PIK3C2G: variants seen among roughly 807,000 people sequenced by gnomAD.
PIK3C2G encodes phosphatidylinositol 3-kinase C2 domain-containing subunit gamma.
A neutral mutation model predicts 181.1 loss-of-function variants in PIK3C2G; 168 were observed. The ratio of observed to expected loss-of-function variants is 0.93; its 90% CI spans 0.82 to 1.05. The LOEUF is 1.05. PIK3C2G is among the 50% of genes least tolerant of loss of function. The pLI, the probability that PIK3C2G is intolerant of heterozygous loss-of-function variation, is 0.00. For synonymous variants in PIK3C2G, 573 were observed against 592.2 expected (o/e 0.97, Z 0.47); for missense variants, 1,869 against 1,732.8 (o/e 1.08, Z -1.40).
intron 1 of PIK3C2G, among the ~76,000 whole-genome samples, chr12:18,252,206 C>T (rs111996591): frequency 2.6e-5 from 4 of 152,210 alleles, no homozygotes; most frequent in African/African-American, 9.6e-5. Context: ...AACTATAGAA[C>T]TAATACGGTG....
At chr12:18,446,607 T>C (rs1321207358) in intron 18 of PIK3C2G, among the ~76,000 whole-genome samples, 4 of 152,202 alleles carry the variant, frequency 2.6e-5, no homozygotes, top group Non-Finnish European at 4.4e-5. Flanking sequence ...GTTGTTTGAA[T>C]GGTGCATTTT....
chr12:18,702,498 C>A, the PIK3C2G span, among the ~76,000 whole-genome samples: 40 of 152,076 alleles, frequency 2.6e-4, no homozygotes, highest in Non-Finnish European at 5.1e-4. Flanking sequence ...AAGTAAAGTT[C>A]TTTTCTCCAG....
the PIK3C2G span, chr12:18,705,205 A>G: frequency 6.2e-7 from 1 of 1,614,072 alleles, no homozygotes. Context: ...CATCAAGCAT[A>G]TCAGAAAGCA....
chr12:18,292,227 A>AAAAAAAATATATATATATAT, intron 4 of PIK3C2G, among the ~76,000 whole-genome samples: 5 of 48,726 alleles, frequency 1.0e-4, no homozygotes, highest in African/African-American at 3.3e-4. Context: ...AAAAAAAAAA[A>AAAAAAAATATATATATATAT]ATATATATAT....
chr12:18,500,593 C>T (rs1203758433), intron 22 of PIK3C2G, among the ~76,000 whole-genome samples: 1 of 152,204 alleles, frequency 6.6e-6, no homozygotes, highest in Non-Finnish European at 1.5e-5. Flanking sequence ...CACTGGGTGA[C>T]GCCAGCTGGG....
At chr12:18,292,229 T>A (rs376178269) in intron 4 of PIK3C2G, among the ~76,000 whole-genome samples, 2,628 of 67,032 alleles carry the variant, frequency 0.039, 36 homozygotes, top group African/African-American at 0.047. Flanking sequence ...AAAAAAAAAA[T>A]ATATATATAT....
rs557564938 is a variant in PIK3C2G at position 18,317,904 on chromosome 12, T to A, written c.1138-3058T>A. Among the ~76,000 whole-genome samples the A allele has an allele frequency of 1.3e-3, 202 of 152,368 alleles. 4 individuals are homozygous for A. The highest frequency in any genetic ancestry group is 6.5e-4 in the Non-Finnish European group (44 of 68,024). On this transcript the variant is annotated intron_variant, in intron 6 of 32. Transcript: ENST00000538779. Reference sequence around the variant, plus strand: ...ATTATGAGAACTCAACTGAGAAATATAAATGAAGAGCTTAAGTCAGTGCCT... The same window carrying A: ...ATTATGAGAACTCAACTGAGAAATAAAAATGAAGAGCTTAAGTCAGTGCCT...
At chr12:18,694,863 G>A in the PIK3C2G span, 77 of 1,416,256 alleles carry the variant, frequency 5.4e-5, no homozygotes, top group Non-Finnish European at 7.2e-5. Context: ...ACACTATCTA[G>A]TTTATATAAT....
chr12:18,693,993 C>T, the PIK3C2G span: 26 of 1,489,932 alleles, frequency 1.7e-5, no homozygotes, highest in African/African-American at 2.8e-4. Flanking sequence ...GGTCTGATGG[C>T]CTTAAGAGAA....
chr12:18,346,607 C>T (rs1939692806), intron 10 of PIK3C2G, 34 bp from the exon 11 acceptor site: 1 of 1,343,114 alleles, frequency 7.4e-7, no homozygotes, highest in Non-Finnish European at 1.0e-6. Context: ...TATGGCCCTT[C>T]TTAGTGACTT....
the PIK3C2G span, among the ~76,000 whole-genome samples, chr12:18,675,722 G>T: frequency 6.6e-6 from 1 of 152,090 alleles, no homozygotes; most frequent in Non-Finnish European, 1.5e-5. Context: ...ATCTTTTGCA[G>T]CAACATGGAT....
chr12:18,270,768 A>G (rs1948714298), intron 1 of PIK3C2G, among the ~76,000 whole-genome samples: 1 of 152,172 alleles, frequency 6.6e-6, no homozygotes, highest in South Asian at 2.1e-4. Context: ...ACATGCCTGA[A>G]GTTGTTTACT....
chr12:18,473,102 G>T (rs921220871), intron 18 of PIK3C2G, among the ~76,000 whole-genome samples: 1 of 152,122 alleles, frequency 6.6e-6, no homozygotes, highest in Non-Finnish European at 1.5e-5. Flanking sequence ...GGTCTAGGCT[G>T]CCTACTGCCC....
At chr12:18,276,981 G>A (rs1357496005) in intron 1 of PIK3C2G, among the ~76,000 whole-genome samples, 2 of 152,058 alleles carry the variant, frequency 1.3e-5, no homozygotes, top group African/African-American at 2.4e-5. Context: ...GCATAAAAGG[G>A]CAGCTAATCA....
intron 29 of PIK3C2G, among the ~76,000 whole-genome samples, chr12:18,591,747 A>G (rs1259518059): frequency 6.6e-6 from 1 of 151,822 alleles, no homozygotes; most frequent in Admixed American, 6.6e-5. Flanking sequence ...TAATTATTAG[A>G]TTTTCATTTT....
chr12:18,451,000 T>C (rs2135886199), intron 18 of PIK3C2G, among the ~76,000 whole-genome samples: 1 of 152,294 alleles, frequency 6.6e-6, no homozygotes, highest in African/African-American at 2.4e-5. Flanking sequence ...TAGTTTGAAG[T>C]CAGGTAGCAC....
At chr12:18,362,912 G>C (rs1941367072) in intron 12 of PIK3C2G, 26 bp downstream of exon 12, 2 of 1,439,840 alleles carry the variant, frequency 1.4e-6, no homozygotes, top group Non-Finnish European at 9.1e-7. Flanking sequence ...ACTGTATCTG[G>C]ATCATTTATG....
chr12:18,651,977 G>A (rs1366122409), downstream of PIK3C2G, among the ~76,000 whole-genome samples: 1 of 152,094 alleles, frequency 6.6e-6, no homozygotes, highest in East Asian at 1.9e-4. Context: ...CTCTCCAGGT[G>A]TTTAAAAAAG....
At chr12:18,417,204 G>A (rs1457554440) in intron 16 of PIK3C2G, among the ~76,000 whole-genome samples, 1 of 152,174 alleles carries the variant, frequency 6.6e-6, no homozygotes, top group Non-Finnish European at 1.5e-5. Flanking sequence ...GCAATCTCAT[G>A]ACAAATTTGA....
Sources: gnomAD v4.1 joint callset for allele counts (sites outside exome capture counted in the v4.1 genomes callset) on GRCh38, gnomAD v4.1.1 for gene constraint, MANE v1.5 for transcripts, NCBI Gene and HGNC (gene_info 2026-07-23, HGNC 2026-07-21) for gene names.